The following ZNF385D variants were observed in gnomAD, a reference collection of about 807,000 sequenced individuals.
The protein encoded by ZNF385D is zinc finger protein 659.
ZNF385D carries 15 observed loss-of-function variants against 35.8 expected under a neutral mutation model. The ratio of observed to expected loss-of-function variants is 0.42; its 90% CI spans 0.28 to 0.64. The LOEUF (loss-of-function observed/expected upper bound fraction) is 0.64, where lower values mean the gene tolerates loss of function less well. Ranked by LOEUF, ZNF385D falls within the 30% of genes least tolerant of loss-of-function variation. ZNF385D has a pLI of 0.23. For synonymous variants in ZNF385D, 212 were observed against 186.8 expected (o/e 1.13, Z -1.10); for missense variants, 474 against 494.6 (o/e 0.96, Z 0.39).
intron 2 of ZNF385D, among the ~76,000 whole-genome samples, chr3:21,581,790 G>A (rs1277053524): frequency 6.6e-6 from 1 of 152,080 alleles, no homozygotes; most frequent in East Asian, 1.9e-4. Context: ...AAGTATTTTA[G>A]CTATTCTCAA....
At chr3:22,355,140 T>C (rs1210855847) in intron 2 of ZNF385D, among the ~76,000 whole-genome samples, 1 of 152,062 alleles carries the variant, frequency 6.6e-6, no homozygotes, top group African/African-American at 2.4e-5. Flanking sequence ...TATCATGTTG[T>C]TGGAATGCAT....
chr3:22,076,961 A>C (rs922313818), intron 3 of ZNF385D, among the ~76,000 whole-genome samples: 1 of 151,962 alleles, frequency 6.6e-6, no homozygotes, highest in African/African-American at 2.4e-5. Context: ...GTTTTTAATC[A>C]TATTAATATG....
intron 2 of ZNF385D, among the ~76,000 whole-genome samples, chr3:22,282,480 A>T (rs1009708710): frequency 6.6e-6 from 1 of 151,958 alleles, no homozygotes; most frequent in Non-Finnish European, 1.5e-5. Flanking sequence ...TCTTGTTTTC[A>T]TTGTTGACCC....
At chr3:21,570,957 C>T (rs1272530913) in intron 2 of ZNF385D, among the ~76,000 whole-genome samples, 1 of 152,116 alleles carries the variant, frequency 6.6e-6, no homozygotes, top group Non-Finnish European at 1.5e-5. Context: ...TTCCTTAAAA[C>T]CTCACTCCCA....
chr3:21,448,874 T>C (rs965337130), intron 4 of ZNF385D, among the ~76,000 whole-genome samples: 3 of 152,054 alleles, frequency 2.0e-5, no homozygotes, highest in Admixed American at 6.6e-5. Context: ...AGCACCAAAA[T>C]TTGCCAAACT....
At chr3:22,183,359 T>C (rs1695411041) in intron 2 of ZNF385D, among the ~76,000 whole-genome samples, 1 of 152,180 alleles carries the variant, frequency 6.6e-6, no homozygotes, top group African/African-American at 2.4e-5. Context: ...TTTACTTATT[T>C]TTTTAATTTG....
chr3:21,975,739 A>ATATATATGTG (rs1553711018), intron 3 of ZNF385D, among the ~76,000 whole-genome samples: 1 of 48,404 alleles, frequency 2.1e-5, no homozygotes, highest in Non-Finnish European at 3.8e-5. Context: ...ATATATATAT[A>ATATATATGTG]TATATATATA....
chr3:21,606,209 C>T (rs777831993), intron 2 of ZNF385D, among the ~76,000 whole-genome samples: 5 of 152,100 alleles, frequency 3.3e-5, no homozygotes, highest in African/African-American at 7.3e-5. Context: ...CTGTCCCACA[C>T]AGCCCTTGCT....
At chr3:21,696,063 A>G (rs1227314407) in intron 1 of ZNF385D, among the ~76,000 whole-genome samples, 1 of 152,146 alleles carries the variant, frequency 6.6e-6, no homozygotes, top group African/African-American at 2.4e-5. Context: ...CATTTTGCCC[A>G]ATTTCCTACA....
intron 3 of ZNF385D, among the ~76,000 whole-genome samples, chr3:22,017,863 A>T (rs1161443497): frequency 2.0e-5 from 3 of 151,910 alleles, no homozygotes; most frequent in Admixed American, 1.3e-4. Context: ...TACGTATTTC[A>T]TCTGAATTAC....
chr3:21,810,030 A>G (rs771481826), intron 3 of ZNF385D, among the ~76,000 whole-genome samples: 33 of 152,184 alleles, frequency 2.2e-4, no homozygotes, highest in Non-Finnish European at 4.0e-4. Context: ...AAACTTTCCA[A>G]TTTGTTATAA....
chr3:21,634,192 G>A (rs1189289434), intron 2 of ZNF385D, among the ~76,000 whole-genome samples: 1 of 151,054 alleles, frequency 6.6e-6, no homozygotes, highest in Non-Finnish European at 1.5e-5. Context: ...GTGAGAACCT[G>A]TCTCAAAAAA....
chr3:21,577,056 A>G (rs551589382), intron 2 of ZNF385D, among the ~76,000 whole-genome samples: 1 of 152,278 alleles, frequency 6.6e-6, no homozygotes, highest in South Asian at 2.1e-4. Context: ...ACAGAATAAG[A>G]ACTTAATCTA....
intron 2 of ZNF385D, among the ~76,000 whole-genome samples, chr3:22,295,532 A>G (rs1177257656): frequency 1.3e-5 from 2 of 152,178 alleles, no homozygotes; most frequent in African/African-American, 4.8e-5. Context: ...ATAATCAGAA[A>G]GTCACAATGG....
chr3:21,675,230 C>A (rs2066689056), intron 1 of ZNF385D, among the ~76,000 whole-genome samples: 5 of 151,996 alleles, frequency 3.3e-5, no homozygotes, highest in Admixed American at 3.3e-4. Flanking sequence ...ACACTAAGTC[C>A]TAGGCTTTTT....
Position 22,232,925 on chromosome 3 carries a change from TA to T in ZNF385D, c.107-63891del, listed in dbSNP as rs1350291987. ...ACTGGATTCTCTTTTTAGTTCATCT[TA>T]ACTTCTTCATTCTGCTTAAACAGAT... On this transcript the variant is annotated intron_variant, in intron 2 of 5. Transcript: ENST00000494108. 2.0e-5 allele frequency among the ~76,000 whole-genome samples: 3 copies of T among 152,338 alleles called. No homozygotes were observed. The East Asian group carries it at 5.8e-4, about 29-fold the overall frequency.
chr3:21,823,472 C>G (rs984633762), intron 3 of ZNF385D, among the ~76,000 whole-genome samples: 23 of 152,152 alleles, frequency 1.5e-4, no homozygotes, highest in African/African-American at 5.6e-4. Context: ...CACACGGACG[C>G]AGCACACTCA....
intron 1 of ZNF385D, among the ~76,000 whole-genome samples, chr3:21,687,744 G>A (rs2067152595): frequency 6.6e-6 from 1 of 151,960 alleles, no homozygotes; most frequent in Non-Finnish European, 1.5e-5. Flanking sequence ...GGCAAAAGGT[G>A]GATCTAAATT....
intron 2 of ZNF385D, among the ~76,000 whole-genome samples, chr3:21,641,951 C>T (rs563953417): frequency 1.1e-4 from 16 of 152,216 alleles, no homozygotes; most frequent in African/African-American, 3.1e-4. Flanking sequence ...AAAAGGACTA[C>T]CTGAAGGCAA....
Sources: allele counts gnomAD v4.1 joint callset (sites outside exome capture counted in the v4.1 genomes callset), GRCh38; gene constraint gnomAD v4.1.1; transcripts MANE v1.5; gene names NCBI Gene and HGNC (gene_info 2026-07-23, HGNC 2026-07-21).